TNS3: variants seen among roughly 807,000 people sequenced by gnomAD.
TNS3 encodes the protein tensin 3, also known as tensin-3.
In TNS3, 45 loss-of-function variants were observed where a neutral mutation model predicts 140.9. That is an observed-to-expected ratio of 0.32 (90% CI 0.25 to 0.41). The LOEUF is 0.41. Among genes scored for constraint, TNS3 ranks in the 10% least tolerant of loss-of-function variants. The pLI is 1.00. For missense variants in TNS3, 1,716 were observed against 1,906.7 expected (o/e 0.90, Z 1.86); for synonymous variants, 815 against 788.4 (o/e 1.03, Z -0.56).
chr7:47,334,468 G>A (rs951772189), intron 20 of TNS3, among the ~76,000 whole-genome samples: 1 of 152,290 alleles, frequency 6.6e-6, no homozygotes, highest in Non-Finnish European at 1.5e-5. Context: ...ACCTAGGGGC[G>A]ATGGTCTCAT....
intron 2 of TNS3, among the ~76,000 whole-genome samples, chr7:47,517,456 C>T (rs1798817651): frequency 6.6e-6 from 1 of 152,174 alleles, no homozygotes; most frequent in African/African-American, 2.4e-5. Context: ...CCGCAGGGAC[C>T]TTCACCACCT....
chr7:47,446,237 A>T (rs1795722154), intron 4 of TNS3, among the ~76,000 whole-genome samples: 1 of 151,816 alleles, frequency 6.6e-6, no homozygotes, highest in African/African-American at 2.4e-5. Flanking sequence ...TCAGCCTCCC[A>T]AGTAGCTGGG....
At chr7:47,340,305 TACAG>T (rs1417193565) in intron 20 of TNS3, among the ~76,000 whole-genome samples, 2 of 150,322 alleles carry the variant, frequency 1.3e-5, no homozygotes, top group African/African-American at 4.9e-5. Flanking sequence ...GTATTTTGAG[TACAG>T]ACAGAGTTTC....
intron 4 of TNS3, among the ~76,000 whole-genome samples, chr7:47,450,369 T>G (rs958722889): frequency 6.6e-6 from 1 of 152,232 alleles, no homozygotes; most frequent in Non-Finnish European, 1.5e-5. Flanking sequence ...AGCAATGTGG[T>G]TAAGCATCAG....
intron 12 of TNS3, among the ~76,000 whole-genome samples, chr7:47,412,697 A>C (rs1307958670): frequency 6.6e-6 from 1 of 152,272 alleles, no homozygotes; most frequent in Non-Finnish European, 1.5e-5. Flanking sequence ...CAGTAGGCTC[A>C]CAGTTAACCT....
At chr7:47,540,942 T>G (rs1799766938) in intron 1 of TNS3, among the ~76,000 whole-genome samples, 1 of 152,068 alleles carries the variant, frequency 6.6e-6, no homozygotes, top group Non-Finnish European at 1.5e-5. Flanking sequence ...GGGCTCTAAC[T>G]GGCAAAAAGG....
chr7:47,432,229 G>A (rs1031544215), intron 8 of TNS3, among the ~76,000 whole-genome samples: 2 of 152,200 alleles, frequency 1.3e-5, no homozygotes, highest in Admixed American at 6.5e-5. Context: ...CTTCATGAAT[G>A]GGTTAATACA....
In TNS3 at chr7:47,423,218, G is replaced by C. The variant is rs114804291; in HGVS notation, c.473+883C>G. Among the ~76,000 whole-genome samples the C allele has an allele frequency of 7.0e-3, 1,073 of 152,310 alleles. 8 individuals carry two copies. The highest frequency in any genetic ancestry group is 0.024 in the African/African-American group (1,013 of 41,554). The stretch of plus-strand genomic sequence containing the variant: ...TGTGCAACTACCTGTCTCCAAAACG[G>C]AACACCATTTGGCAATCACCTTGGC... On this transcript the variant is annotated intron_variant, in intron 10 of 30. Transcript: ENST00000311160.
chr7:47,441,770 T>C (rs148688391), intron 5 of TNS3, among the ~76,000 whole-genome samples: 179 of 152,310 alleles, frequency 1.2e-3, no homozygotes, highest in African/African-American at 4.0e-3. Context: ...GCAGTGCAAT[T>C]ATTTATTCAA....
intron 17 of TNS3, among the ~76,000 whole-genome samples, chr7:47,365,057 T>A (rs1159187622): frequency 6.6e-6 from 1 of 152,228 alleles, no homozygotes; most frequent in East Asian, 1.9e-4. Context: ...ATTTTACTGG[T>A]CTGTTGTTGA....
intron 21 of TNS3, among the ~76,000 whole-genome samples, chr7:47,304,111 T>C (rs1403268551): frequency 6.6e-6 from 1 of 152,124 alleles, no homozygotes; most frequent in African/African-American, 2.4e-5. Flanking sequence ...GGTCCCCTCC[T>C]CCTCGCAGCA....
At chr7:47,556,956 T>C in intron 1 of TNS3, 1 of 451,272 alleles carries the variant, frequency 2.2e-6, no homozygotes, top group South Asian at 1.6e-5. Context: ...CAGCCCTCTG[T>C]CCTCCAGTCC....
rs200906390 is a variant in TNS3 at position 47,369,303 on chromosome 7, C to T, written c.1343G>A (p.Arg448Gln). 101 of 1,614,118 alleles carry T rather than the reference C, an allele frequency of 6.3e-5. 1 individual carries two copies. In the East Asian group the frequency reaches 8.0e-4, roughly 13 times the overall value. ...GSSLKEMTDA[R>Q]SKYSGTRHVV... ...GTGGCGGGTCCCACTGTACTTGCTT[C>T]GAGCATCAGTCATTTCCTTGAGGGA... Residue 448 changes from arginine (R) to glutamine (Q), a missense_variant, in exon 17 of 31, where the codon CGA becomes CAA. Around this residue, in one of 3 missense-constraint regions of TNS3, gnomAD observed 1,163 missense variants for 1,182.1 expected, o/e 0.98. Transcript: ENST00000311160.
At chr7:47,578,065 C>T (rs1018679465) in intron 1 of TNS3, among the ~76,000 whole-genome samples, 2 of 151,008 alleles carry the variant, frequency 1.3e-5, no homozygotes, top group African/African-American at 2.4e-5. Flanking sequence ...TGTAACCCCA[C>T]GCTTTGGGAG....
At chr7:47,398,992 C>T (rs748268802) in intron 15 of TNS3, among the ~76,000 whole-genome samples, 9 of 141,928 alleles carry the variant, frequency 6.3e-5, no homozygotes, top group Non-Finnish European at 1.1e-4. Context: ...GTTTCAAAAT[C>T]AATGTACACA....
intron 3 of TNS3, among the ~76,000 whole-genome samples, chr7:47,484,190 A>C (rs537383758): frequency 3.3e-5 from 5 of 152,350 alleles, no homozygotes; most frequent in African/African-American, 1.2e-4. Flanking sequence ...GTCTCAGGAA[A>C]GACCTTTTGT....
intron 20 of TNS3, among the ~76,000 whole-genome samples, chr7:47,333,029 A>T (rs1788429496): frequency 6.6e-6 from 1 of 152,336 alleles, no homozygotes; most frequent in South Asian, 2.1e-4. Flanking sequence ...CATGGTAGAG[A>T]AGTCTGCAGG....
intron 4 of TNS3, among the ~76,000 whole-genome samples, chr7:47,469,138 G>A (rs929242449): frequency 2.6e-4 from 40 of 152,172 alleles, no homozygotes; most frequent in African/African-American, 9.4e-4. Flanking sequence ...TAAAAATCCT[G>A]AAGAAAACCT....
In TNS3 at chr7:47,424,081, C is replaced by A. The variant is rs772286312; in HGVS notation, c.473+20G>T. The A allele has an allele frequency of 1.2e-6, 2 of 1,613,160 alleles. No homozygotes were observed. The highest frequency in any genetic ancestry group is 2.2e-5 in the South Asian group (2 of 91,010). On this transcript the variant is annotated intron_variant, in intron 10 of 30. Transcript: ENST00000311160. Reference sequence around the variant, plus strand: ...AATTTCATTCACCTCTTCACTCTGGCTTTGGGGATCTATACATACCGTTTT... The same window carrying A: ...AATTTCATTCACCTCTTCACTCTGGATTTGGGGATCTATACATACCGTTTT...
Sources: gnomAD v4.1 joint callset for allele counts (sites outside exome capture counted in the v4.1 genomes callset) on GRCh38, gnomAD v4.1.1 for gene constraint, gnomAD v4.1.1 regional missense constraint, MANE v1.5 for transcripts, NCBI Gene and HGNC (gene_info 2026-07-23, HGNC 2026-07-21) for gene names.